Variants in C6orf62 observed in about 807,000 individuals in gnomAD.
C6orf62 encodes uncharacterized protein C6orf62.
In C6orf62, 16 loss-of-function variants were observed where a neutral mutation model predicts 26.8. That is an observed-to-expected ratio of 0.60 (90% CI 0.40 to 0.91). C6orf62 has a LOEUF of 0.91. Among genes scored for constraint, C6orf62 ranks in the 40% least tolerant of loss-of-function variants. The pLI is 0.00. For synonymous variants in C6orf62, 112 were observed against 91.5 expected (o/e 1.22, Z -1.28); for missense variants, 192 against 271.4 (o/e 0.71, Z 2.06).
At chr6:24,710,475 G>T (rs1779098997) in intron 3 of C6orf62, 1 of 526,266 alleles carries the variant, frequency 1.9e-6, no homozygotes, top group Non-Finnish European at 2.4e-6. Context: ...TGTTGGTCAG[G>T]ATGGTCTCAA....
At chr6:24,710,400 G>A (rs1779097678) in intron 3 of C6orf62, 1 of 377,916 alleles carries the variant, frequency 2.6e-6, no homozygotes, top group Non-Finnish European at 3.6e-6. Context: ...CAAGTAGCTG[G>A]AATACAGGCA....
intron 3 of C6orf62, chr6:24,709,741 C>A (rs1156841287): frequency 1.0e-5 from 10 of 985,318 alleles, no homozygotes; most frequent in African/African-American, 1.7e-5. Context: ...AGATCAACTC[C>A]ATCCTCCCAC....
intron 2 of C6orf62, among the ~76,000 whole-genome samples, chr6:24,715,213 A>G (rs1205365344): frequency 6.6e-6 from 1 of 152,200 alleles, no homozygotes; most frequent in Non-Finnish European, 1.5e-5. Context: ...CCAGCATATT[A>G]ATTTTTGAAG....
At chr6:24,720,112 C>T (rs969607320), upstream of C6orf62, 19 of 1,123,704 alleles carry the variant, frequency 1.7e-5, no homozygotes, top group Non-Finnish European at 2.0e-5. Context: ...AGGGTGGGGT[C>T]GTTAGTTGTT....
At chr6:24,716,722 GTT>G (rs952980622) in intron 1 of C6orf62, among the ~76,000 whole-genome samples, 1 of 151,192 alleles carries the variant, frequency 6.6e-6, no homozygotes, top group African/African-American at 2.4e-5. Context: ...AATATTTCTG[GTT>G]TTTCTTTTTT....
At chr6:24,711,465 G>A (rs1304606287) in intron 3 of C6orf62, among the ~76,000 whole-genome samples, 1 of 152,054 alleles carries the variant, frequency 6.6e-6, no homozygotes, top group African/African-American at 2.4e-5. Context: ...TTCTGGTTCC[G>A]ATTATATCCT....
chr6:24,716,063 C>T (rs1779223036), intron 2 of C6orf62, 85 bp downstream of exon 2: 4 of 1,036,832 alleles, frequency 3.9e-6, no homozygotes, highest in Admixed American at 2.1e-5. Flanking sequence ...CATAACTATC[C>T]ACTTTAAGGG....
intron 4 of C6orf62, chr6:24,706,981 A>C (rs1779022648): frequency 6.6e-6 from 1 of 152,196 alleles, no homozygotes; most frequent in Non-Finnish European, 1.5e-5. Context: ...TTACCAGTTA[A>C]ATCAAAACCC....
rs147402940 is a variant in C6orf62, at chr6:24,718,781, T to A, written c.-113A>T. 1 of 1,563,288 alleles carries A rather than the reference T, an allele frequency of 6.4e-7. No homozygotes were observed. Among genetic ancestry groups the A allele is most frequent in the Non-Finnish European group, 8.6e-7 (1 of 1,164,812 alleles). ...GTCATTTTTTTTCCTGCTAATATGA[T>A]TGATTAGCGAAAATCACGACTATAA... On this transcript the variant is annotated 5_prime_UTR_variant, in exon 1 of 5. Coordinates refer to ENST00000378119, the MANE Select transcript of C6orf62 (RefSeq NM_030939.5).
chr6:24,706,315 T>C (rs1779009037), intron 4 of C6orf62, 53 bp from the exon 5 acceptor site: 1 of 1,598,444 alleles, frequency 6.3e-7, no homozygotes, highest in Non-Finnish European at 8.5e-7. Flanking sequence ...TTAGCGTAAC[T>C]GTCACATGAA....
chr6:24,718,837 C>A lies in C6orf62; in HGVS notation c.-169G>T. 2 of 1,470,096 alleles carry A rather than the reference C, an allele frequency of 1.4e-6. No individual in the cohort carries two copies. The highest frequency in any genetic ancestry group is 2.8e-5 in the Admixed American group (1 of 35,794). The allele number at this position is 1,470,096 out of a possible 1,614,324, so 91.1% of individuals were successfully genotyped here. A position where few individuals can be genotyped will look rare whatever the true frequency, so the allele number is the denominator to read the frequency against. On this transcript the variant is annotated 5_prime_UTR_variant, in exon 1 of 5. Transcript: ENST00000378119. ...AAACTGCACCTTCTGTCAATATTAG[C>A]AGACTGTCATATTACAGGGTCAAGA...
upstream of C6orf62, chr6:24,719,466 A>AC: frequency 9.2e-7 from 1 of 1,091,410 alleles, no homozygotes; most frequent in Non-Finnish European, 1.1e-6. Context: ...AGGAGCCATG[A>AC]GAAAAAACAG....
chr6:24,710,959 T>C (rs1384089368), intron 3 of C6orf62, among the ~76,000 whole-genome samples: 1 of 151,942 alleles, frequency 6.6e-6, no homozygotes, highest in East Asian at 1.9e-4. Flanking sequence ...GCCACTGCAC[T>C]CCAGCCTGGA....
chr6:24,707,715 A>G (rs945632150), intron 4 of C6orf62, among the ~76,000 whole-genome samples: 17 of 152,206 alleles, frequency 1.1e-4, no homozygotes, highest in Middle Eastern at 6.8e-3. Flanking sequence ...TTTAGATTTA[A>G]AAAGTCAGCC....
intron 2 of C6orf62, among the ~76,000 whole-genome samples, chr6:24,714,844 C>T (rs910466451): frequency 3.9e-5 from 6 of 152,160 alleles, no homozygotes; most frequent in Non-Finnish European, 7.3e-5. Context: ...GTCTCGAACT[C>T]CTGACCTCAG....
At chr6:24,709,608 G>A (rs1779081269) in intron 3 of C6orf62, 3 of 984,920 alleles carry the variant, frequency 3.0e-6, no homozygotes, top group South Asian at 4.7e-5. Flanking sequence ...CTCATAGATA[G>A]GCTATGTTTT....
intron 2 of C6orf62, 53 bp downstream of exon 2, chr6:24,716,095 G>A: frequency 6.7e-7 from 1 of 1,498,666 alleles, no homozygotes; most frequent in South Asian, 1.1e-5. Flanking sequence ...GCGGGGAAAT[G>A]CAAGGTTAAT....
intron 1 of C6orf62, among the ~76,000 whole-genome samples, chr6:24,716,917 T>G (rs1581400007): frequency 6.6e-6 from 1 of 151,884 alleles, no homozygotes; most frequent in Non-Finnish European, 1.5e-5. Flanking sequence ...AGAGACAGGG[T>G]TTCACCATTT....
chr6:24,708,890 C>T lies in C6orf62; in HGVS notation c.451G>A (p.Gly151Ser). 1 of 1,613,934 alleles carries T rather than the reference C, an allele frequency of 6.2e-7. No individual in the cohort carries two copies. The highest frequency in any genetic ancestry group is 8.5e-7 in the Non-Finnish European group (1 of 1,179,988). Residue 151 changes from glycine (G) to serine (S), a missense_variant, in exon 4 of 5, where the codon GGT (glycine) becomes AGT (serine). Transcript: ENST00000378119. ...TGCAGAAACTGTTTTTCATAGTCACCATGATGAAACTCAAATTTGGCCTAA... is the reference window on the plus strand; with the variant it reads ...TGCAGAAACTGTTTTTCATAGTCACTATGATGAAACTCAAATTTGGCCTAA... ...PVQAKFEFHH[G>S]DYEKQFLHVL...
Sources: allele counts gnomAD v4.1 joint callset (sites outside exome capture counted in the v4.1 genomes callset), GRCh38; gene constraint gnomAD v4.1.1; transcripts MANE v1.5; gene names NCBI Gene and HGNC (gene_info 2026-07-23, HGNC 2026-07-21).